Variants in CLASP2 observed in about 807,000 individuals in gnomAD.
The protein encoded by CLASP2 is cytoplasmic linker associated protein 2.
A neutral mutation model predicts 194.4 loss-of-function variants in CLASP2; 47 were observed. The ratio of observed to expected loss-of-function variants is 0.24; its 90% CI spans 0.19 to 0.31. CLASP2 has a LOEUF of 0.31. CLASP2 is among the 10% of genes least tolerant of loss of function. The pLI is 1.00. For synonymous variants in CLASP2, 619 were observed against 633.5 expected (o/e 0.98, Z 0.34); for missense variants, 1,445 against 1,823.6 (o/e 0.79, Z 3.78).
intron 7 of CLASP2, among the ~76,000 whole-genome samples, chr3:33,650,874 A>G (rs572253385): frequency 6.6e-6 from 1 of 152,322 alleles, no homozygotes; most frequent in African/African-American, 2.4e-5. Context: ...ACACTTGGAA[A>G]CTGTCCCTAG....
rs367953890 is a variant in CLASP2 at position 33,668,778 on chromosome 3, C to G, written c.645-5263G>C. Among the ~76,000 whole-genome samples the G allele has an allele frequency of 1.1e-3, 162 of 152,270 alleles. 1 individual carries two copies. In the South Asian group the frequency reaches 0.033, roughly 31 times the overall value. On this transcript the variant is annotated intron_variant, in intron 6 of 38. Transcript: ENST00000682230. ...GCATCACCAAGGAGAATGACACAAG[C>G]ACAGCATGGAAGAAAGAACAATGGA...
intron 6 of CLASP2, among the ~76,000 whole-genome samples, chr3:33,665,735 C>G (rs1191145688): frequency 6.6e-6 from 1 of 152,136 alleles, no homozygotes; most frequent in Non-Finnish European, 1.5e-5. Context: ...CTACGTGGCC[C>G]TCACTGAATC....
chr3:33,718,094 G>T lies in CLASP2; in HGVS notation c.-92C>A. On this transcript the variant is annotated 5_prime_UTR_variant, in exon 1 of 39. Coordinates refer to ENST00000682230, the MANE Select transcript of CLASP2 (RefSeq NM_001365631.1). The stretch of plus-strand genomic sequence containing the variant: ...CCAGTGCGGGTCCCCGCGGGAGCGG[G>T]CGGGACTCACTTAGCCCGCCAGGGG... The T allele has an allele frequency of 1.5e-6, 2 of 1,345,264 alleles. No individual in the cohort carries two copies. The highest frequency in any genetic ancestry group is 9.7e-7 in the Non-Finnish European group (1 of 1,034,886). The allele number at this position is 1,345,264 out of a possible 1,614,324, so 83.3% of individuals were successfully genotyped here.
intron 7 of CLASP2, among the ~76,000 whole-genome samples, chr3:33,655,466 T>C (rs144822457): frequency 6.6e-6 from 1 of 152,290 alleles, no homozygotes; most frequent in African/African-American, 2.4e-5. Flanking sequence ...TTTTCAATCT[T>C]AGTGCCTGCT....
intron 34 of CLASP2, among the ~76,000 whole-genome samples, chr3:33,530,244 G>A (rs114255525): frequency 6.6e-5 from 10 of 152,212 alleles, no homozygotes; most frequent in East Asian, 1.9e-4. Context: ...CAAGGCTAAA[G>A]CAGGCAGACT....
chr3:33,595,869 A>G (rs1301988175), intron 19 of CLASP2, among the ~76,000 whole-genome samples: 2 of 152,064 alleles, frequency 1.3e-5, no homozygotes, highest in African/African-American at 4.8e-5. Context: ...CACTAATATA[A>G]CTAGCAGTCA....
chr3:33,507,870 T>C (rs919586672), intron 37 of CLASP2, among the ~76,000 whole-genome samples: 7 of 152,188 alleles, frequency 4.6e-5, no homozygotes, highest in African/African-American at 1.7e-4. Context: ...TCCTCCATTA[T>C]ATACCCTGCC....
rs963321422 is a variant in CLASP2, at chr3:33,584,137, G to A, written c.2239+613C>T. Among the ~76,000 whole-genome samples, 35 of 152,108 alleles carry A rather than the reference G, an allele frequency of 2.3e-4. No individual in the cohort carries two copies. In the Middle Eastern group the frequency reaches 0.014, roughly 59 times the overall value. On this transcript the variant is annotated intron_variant, in intron 22 of 38. Coordinates refer to ENST00000682230, the MANE Select transcript of CLASP2 (RefSeq NM_001365631.1). ...TTTGAATAGGGCTGAACTATAACAC[G>A]AATGTCAAACACACAAGAAACTGTG...
At chr3:33,565,904 C>T (rs966399448) in intron 27 of CLASP2, among the ~76,000 whole-genome samples, 11 of 151,872 alleles carry the variant, frequency 7.2e-5, no homozygotes, top group Non-Finnish European at 1.5e-5. Context: ...CTGGTCAACA[C>T]TAGGCTATTA....
At chr3:33,515,928 C>T (rs2051196434) in intron 36 of CLASP2, 95 bp downstream of exon 36, 4 of 1,275,650 alleles carry the variant, frequency 3.1e-6, no homozygotes, top group Admixed American at 5.8e-5. Flanking sequence ...GGCAAATGTT[C>T]AAGAAAATCA....
chr3:33,511,226 G>T (rs1364072387), intron 36 of CLASP2, among the ~76,000 whole-genome samples: 3 of 152,022 alleles, frequency 2.0e-5, no homozygotes, highest in African/African-American at 7.2e-5. Flanking sequence ...TTTTAGTAGA[G>T]ATAAGGTCTT....
At chr3:33,609,424 T>C (rs1480576572) in intron 13 of CLASP2, among the ~76,000 whole-genome samples, 1 of 152,238 alleles carries the variant, frequency 6.6e-6, no homozygotes, top group Admixed American at 6.5e-5. Flanking sequence ...CACTGTTTCC[T>C]TACATATGTA....
chr3:33,515,308 G>T (rs919705766), intron 36 of CLASP2, among the ~76,000 whole-genome samples: 1 of 152,034 alleles, frequency 6.6e-6, no homozygotes, highest in African/African-American at 2.4e-5. Flanking sequence ...GTGAAGAAGG[G>T]GAGAGAGATA....
rs1553687794 is a variant in CLASP2, at chr3:33,497,120, T to C, written c.*1511A>G. ...TTGTTACAGGTAGAGGGAGAGGATA[T>C]AGAGAAACTTTTCCTGCTGCTAGAA... is the stretch of plus-strand genomic sequence containing the variant. On this transcript the variant is annotated 3_prime_UTR_variant, in exon 39 of 39. Transcript: ENST00000682230. 6.6e-6 allele frequency: 1 copy of C among 152,570 alleles called. No homozygotes were observed. The highest frequency in any genetic ancestry group is 1.5e-5 in the Non-Finnish European group (1 of 68,032). 9.5% of individuals were successfully genotyped at this position (152,570 alleles called of 1,614,324 possible).
chr3:33,511,528 T>TA (rs1452974677), intron 36 of CLASP2, among the ~76,000 whole-genome samples: 1 of 152,146 alleles, frequency 6.6e-6, no homozygotes, highest in Non-Finnish European at 1.5e-5. Context: ...AATATAAAAA[T>TA]AATATGATTA....
At chr3:33,519,590 T>C (rs2052380961) in intron 34 of CLASP2, among the ~76,000 whole-genome samples, 2 of 152,076 alleles carry the variant, frequency 1.3e-5, no homozygotes, top group African/African-American at 4.8e-5. Flanking sequence ...ATGTTCATAA[T>C]AAAATAATGT....
At chr3:33,558,977 T>TA (rs2061381312) in intron 29 of CLASP2, 3 of 362,728 alleles carry the variant, frequency 8.3e-6, no homozygotes, top group Admixed American at 4.4e-5. Flanking sequence ...CCAAAAGACT[T>TA]AGAGTCTGGC....
chr3:33,588,400 CTT>C (rs1369206734), intron 21 of CLASP2, among the ~76,000 whole-genome samples: 4 of 152,182 alleles, frequency 2.6e-5, no homozygotes, highest in Non-Finnish European at 5.9e-5. Flanking sequence ...CCTATTTTCT[CTT>C]GTGCTACCTA....
At chr3:33,625,138 A>C (rs995252173) in intron 10 of CLASP2, among the ~76,000 whole-genome samples, 3 of 150,318 alleles carry the variant, frequency 2.0e-5, no homozygotes, top group Admixed American at 6.7e-5. Context: ...GCAAAACAAT[A>C]AAAAATAACT....
Sources: allele counts gnomAD v4.1 joint callset (sites outside exome capture counted in the v4.1 genomes callset), GRCh38; gene constraint gnomAD v4.1.1; transcripts MANE v1.5; gene names NCBI Gene and HGNC (gene_info 2026-07-23, HGNC 2026-07-21).